The following CFAP206 variants were observed in gnomAD, a reference collection of about 807,000 sequenced individuals.
CFAP206 encodes the protein cilia and flagella associated protein 206.
A neutral mutation model predicts 65.4 loss-of-function variants in CFAP206; 53 were observed. That is an observed-to-expected ratio of 0.81 (90% confidence interval 0.65 to 1.02). The LOEUF (loss-of-function observed/expected upper bound fraction) is 1.02. CFAP206 is among the 50% of genes least tolerant of loss of function. The probability of loss-of-function intolerance (pLI) is 0.00; values close to 1 mark genes in which losing one functional copy is unlikely to be tolerated. For missense variants in CFAP206, 663 were observed against 753.2 expected, an observed-to-expected ratio of 0.88 and a Z score of 1.40; for synonymous variants, 250 against 254.4, an observed-to-expected ratio of 0.98 and a Z score of 0.17.
At chr6:87,460,491 T>C (rs1236589013) in intron 11 of CFAP206, among the ~76,000 whole-genome samples, 2 of 152,196 alleles carry the variant, frequency 1.3e-5, no homozygotes, top group Non-Finnish European at 1.5e-5. Flanking sequence ...GACTTGGGAA[T>C]GAGGGATGTT....
Position 87,413,845 on chromosome 6 carries a change from A to G in CFAP206, c.228A>G (p.Pro76=). ...CMTRLLDTKN[P]SLDTIKMQVY... ...CTCGGCTATTGGATACTAAAAATCC[A>G]TCCCTGGACACTATTAAGATGCAAG... Residue 76 remains proline, a synonymous_variant, in exon 4 of 13, where the codon CCA becomes CCG. Transcript: ENST00000369562. 6.4e-7 allele frequency: 1 copy of G among 1,569,392 alleles called. No homozygotes were observed. Among genetic ancestry groups the G allele is most frequent in the South Asian group, 1.2e-5 (1 of 81,096 alleles).
chr6:87,414,044 G>C, intron 4 of CFAP206, 144 bp downstream of exon 4: 1 of 286,992 alleles, frequency 3.5e-6, no homozygotes, highest in Middle Eastern at 8.1e-4. Flanking sequence ...GGAATACAAC[G>C]TTAGAAATGC....
rs1003255294 is a variant in CFAP206, at chr6:87,439,595, T to C, written c.1494+4542T>C. ...GTAATTTGTCATTATTTTTTCTTCATGTCTTGTTTAAGAAGTTCTTACGTA... is the reference window on the plus strand; with the variant it reads ...GTAATTTGTCATTATTTTTTCTTCACGTCTTGTTTAAGAAGTTCTTACGTA... On this transcript the variant is annotated intron_variant, in intron 11 of 12. Transcript: ENST00000369562. 7.9e-5 allele frequency among the ~76,000 whole-genome samples: 12 copies of C among 152,148 alleles called. No individual in the cohort carries two copies. The South Asian group carries it at 1.7e-3, about 21-fold the overall frequency.
At position 87,424,431 on chromosome 6, in the gene CFAP206, A is replaced by G. The variant is rs1475702740; in HGVS notation, c.841-2095A>G. ...AGTAGCTGGGACATAGGCAGGTGCC[A>G]CCACGCCCAGCTAATTTTTTTATTT... On this transcript the variant is annotated intron_variant, in intron 7 of 12. Coordinates refer to ENST00000369562, the MANE Select transcript of CFAP206 (RefSeq NM_001031743.3). Among the ~76,000 whole-genome samples the G allele has an allele frequency of 2.0e-5, 3 of 152,000 alleles. No homozygotes were observed. In the East Asian group the frequency reaches 5.8e-4, roughly 29 times the overall value.
intron 3 of CFAP206, among the ~76,000 whole-genome samples, chr6:87,412,857 A>G (rs1767760970): frequency 6.6e-6 from 1 of 151,990 alleles, no homozygotes; most frequent in Non-Finnish European, 1.5e-5. Flanking sequence ...GACGGGTTTC[A>G]CCATGTTGAC....
At chr6:87,429,232 G>GAAAAAAAAAAAAAAAAAA (rs75293419) in intron 9 of CFAP206, among the ~76,000 whole-genome samples, 1 of 81,722 alleles carries the variant, frequency 1.2e-5, no homozygotes, top group Non-Finnish European at 2.7e-5. Flanking sequence ...ATCTCAAAAA[G>GAAAAAAAAAAAAAAAAAA]AAAAAAAAAA....
intron 2 of CFAP206, 63 bp from the exon 3 acceptor site, chr6:87,410,522 A>G (rs1562242222): frequency 8.5e-7 from 1 of 1,182,842 alleles, no homozygotes. Context: ...AGCTAATAAT[A>G]TGAAATAAAA....
chr6:87,455,911 C>T (rs1407018540), intron 11 of CFAP206, among the ~76,000 whole-genome samples: 1 of 152,180 alleles, frequency 6.6e-6, no homozygotes, highest in Non-Finnish European at 1.5e-5. Context: ...GGCTTCACTG[C>T]TGAATTTTAC....
At chr6:87,457,653 T>C (rs1768671249) in intron 11 of CFAP206, among the ~76,000 whole-genome samples, 1 of 152,200 alleles carries the variant, frequency 6.6e-6, no homozygotes, top group South Asian at 2.1e-4. Context: ...TCTCGCCATA[T>C]ACAAGAATCA....
chr6:87,451,481 T>A (rs1168928414), intron 11 of CFAP206, among the ~76,000 whole-genome samples: 1 of 152,098 alleles, frequency 6.6e-6, no homozygotes, highest in African/African-American at 2.4e-5. Context: ...CACCACCTGC[T>A]GACCAAAGAG....
chr6:87,446,957 T>C (rs1403457453), intron 11 of CFAP206, among the ~76,000 whole-genome samples: 1 of 152,192 alleles, frequency 6.6e-6, no homozygotes, highest in Admixed American at 6.5e-5. Context: ...TTGTGGTAAT[T>C]GTGAATGGAA....
intron 11 of CFAP206, among the ~76,000 whole-genome samples, chr6:87,449,080 A>G (rs995776852): frequency 6.6e-6 from 1 of 152,136 alleles, no homozygotes; most frequent in Non-Finnish European, 1.5e-5. Flanking sequence ...AGGAGCCTTC[A>G]TACTATTTTC....
intron 11 of CFAP206, 171 bp downstream of exon 11, chr6:87,435,224 A>G (rs1768238637): frequency 4.2e-6 from 2 of 475,500 alleles, no homozygotes; most frequent in African/African-American, 3.9e-5. Flanking sequence ...AATTGAATCA[A>G]AGAATAATGA....
At chr6:87,450,414 G>A (rs1768519418) in intron 11 of CFAP206, among the ~76,000 whole-genome samples, 1 of 151,384 alleles carries the variant, frequency 6.6e-6, no homozygotes, top group Non-Finnish European at 1.5e-5. Context: ...AGTATGATGT[G>A]ACTTTTTAAT....
chr6:87,459,627 C>T lies in CFAP206; in HGVS notation c.1495-1395C>T, dbSNP rs1768706861. Among the ~76,000 whole-genome samples the T allele has an allele frequency of 2.6e-5, 4 of 152,106 alleles. No individual in the cohort carries two copies. The South Asian group carries it at 8.3e-4, about 32-fold the overall frequency. ...ATTCAAATGAATGTGTAAATGGAGGCAATGCTGATTTTTCCACATGGGGAA... is the reference window on the plus strand; with the variant it reads ...ATTCAAATGAATGTGTAAATGGAGGTAATGCTGATTTTTCCACATGGGGAA... On this transcript the variant is annotated intron_variant, in intron 11 of 12. Transcript: ENST00000369562.
At chr6:87,446,672 A>G (rs113527527) in intron 11 of CFAP206, among the ~76,000 whole-genome samples, 1,672 of 152,302 alleles carry the variant, frequency 0.011, 36 homozygotes, top group African/African-American at 0.038. Context: ...TGTCTTGACT[A>G]TATGGGCTCT....
rs201057926 is a variant in CFAP206 at position 87,409,851 on chromosome 6, T to A, written c.12T>A (p.Thr4=). Residue 4 remains threonine, a synonymous_variant, in exon 2 of 13, where the codon ACT becomes ACA. Transcript: ENST00000369562. MPP[T]QAESVIRSII... ...TTTATTTAGCCAGAATGCCTCCAAC[T>A]CAGGCCGAAAGTGTTATAAGGAGTA... 1.5e-5 allele frequency: 24 copies of A among 1,610,730 alleles called. 1 individual carries two copies. The East Asian group carries it at 2.5e-4, about 17-fold the overall frequency.
chr6:87,442,475 T>C (rs1768375346), intron 11 of CFAP206, among the ~76,000 whole-genome samples: 1 of 152,160 alleles, frequency 6.6e-6, no homozygotes, highest in Non-Finnish European at 1.5e-5. Flanking sequence ...TAGATGTCAT[T>C]ATACTCTTTA....
chr6:87,436,594 G>A (rs1329233897), intron 11 of CFAP206: 1 of 152,894 alleles, frequency 6.5e-6, no homozygotes, highest in Non-Finnish European at 1.5e-5. Flanking sequence ...AAGTATGGTA[G>A]TCAGGACCAT....
Sources: gnomAD v4.1 joint callset for allele counts (sites outside exome capture counted in the v4.1 genomes callset) on GRCh38, gnomAD v4.1.1 for gene constraint, MANE v1.5 for transcripts, NCBI Gene and HGNC (gene_info 2026-07-23, HGNC 2026-07-21) for gene names.